The following EPHA6 variants were observed in gnomAD, a reference collection of about 807,000 sequenced individuals.
EPHA6 encodes EPH receptor A6.
EPHA6 carries 50 observed loss-of-function variants against 112.0 expected under a neutral mutation model. The ratio of observed to expected loss-of-function variants is 0.45; its 90% CI spans 0.36 to 0.56. The LOEUF is 0.56. Among genes scored for constraint, EPHA6 ranks in the 20% least tolerant of loss-of-function variants. The probability of loss-of-function intolerance (pLI) is 0.00; values close to 1 mark genes in which losing one functional copy is unlikely to be tolerated. For synonymous variants in EPHA6, 529 were observed against 490.7 expected (o/e 1.08, Z -1.03); for missense variants, 1,280 against 1,417.4 (o/e 0.90, Z 1.56).
chr3:97,053,940 GTGT>G (rs2045767671), intron 3 of EPHA6, among the ~76,000 whole-genome samples: 1 of 151,936 alleles, frequency 6.6e-6, no homozygotes, highest in South Asian at 2.1e-4. Flanking sequence ...ATCTTCCCTT[GTGT>G]TTCACCTAAC....
intron 3 of EPHA6, among the ~76,000 whole-genome samples, chr3:97,012,848 T>C (rs949430255): frequency 2.0e-5 from 3 of 152,056 alleles, no homozygotes; most frequent in African/African-American, 7.2e-5. Context: ...CTCTCACGAT[T>C]AGTGATGTGG....
chr3:97,211,420 T>C (rs1236633372), intron 3 of EPHA6, among the ~76,000 whole-genome samples: 3 of 152,154 alleles, frequency 2.0e-5, no homozygotes, highest in Non-Finnish European at 2.9e-5. Context: ...TGTAACAAAA[T>C]ATCATAGACT....
At chr3:96,901,061 A>T (rs987364841) in intron 2 of EPHA6, among the ~76,000 whole-genome samples, 35 of 152,212 alleles carry the variant, frequency 2.3e-4, no homozygotes, top group African/African-American at 8.4e-4. Flanking sequence ...TTTGCTGGGA[A>T]TAGAAAAGAG....
At chr3:97,095,921 C>A (rs1424785818) in intron 3 of EPHA6, among the ~76,000 whole-genome samples, 1 of 151,814 alleles carries the variant, frequency 6.6e-6, no homozygotes, top group Non-Finnish European at 1.5e-5. Flanking sequence ...ACTTTGAAAA[C>A]CTCTGCTTTC....
At chr3:97,632,895 A>T (rs2093915556) in intron 13 of EPHA6, among the ~76,000 whole-genome samples, 1 of 152,072 alleles carries the variant, frequency 6.6e-6, no homozygotes, top group African/African-American at 2.4e-5. Context: ...GTTTTCACAG[A>T]AAATTTTGTT....
chr3:97,062,176 T>A (rs189537386), intron 3 of EPHA6, among the ~76,000 whole-genome samples: 1 of 152,242 alleles, frequency 6.6e-6, no homozygotes, highest in Admixed American at 6.5e-5. Flanking sequence ...TAATATAACA[T>A]GTTTAGGAAT....
intron 2 of EPHA6, among the ~76,000 whole-genome samples, chr3:96,971,720 T>C (rs989961844): frequency 1.3e-5 from 2 of 152,142 alleles, no homozygotes; most frequent in African/African-American, 2.4e-5. Context: ...GAGATACCCG[T>C]GTACATTCAA....
chr3:96,969,933 T>C (rs1368693133), intron 2 of EPHA6, among the ~76,000 whole-genome samples: 1 of 152,064 alleles, frequency 6.6e-6, no homozygotes, highest in Non-Finnish European at 1.5e-5. Flanking sequence ...AGTTTGAATA[T>C]TCATTTCATT....
chr3:97,050,207 A>G (rs1182279251), intron 3 of EPHA6, among the ~76,000 whole-genome samples: 5 of 152,064 alleles, frequency 3.3e-5, no homozygotes, highest in Non-Finnish European at 7.4e-5. Context: ...CATGGTGGGA[A>G]CCCTCCAAAA....
At chr3:97,169,617 A>C (rs1273146449) in intron 3 of EPHA6, among the ~76,000 whole-genome samples, 123 of 152,266 alleles carry the variant, frequency 8.1e-4, no homozygotes, top group Non-Finnish European at 1.0e-4. Context: ...TTTGCAGATG[A>C]AAAGAATTAT....
chr3:97,627,026 C>T (rs1046447930), intron 13 of EPHA6, among the ~76,000 whole-genome samples: 1 of 151,794 alleles, frequency 6.6e-6, no homozygotes, highest in African/African-American at 2.4e-5. Context: ...GTCATTATTC[C>T]AGTCCCATGC....
At chr3:96,859,554 A>AT (rs1482709412) in intron 1 of EPHA6, among the ~76,000 whole-genome samples, 2 of 151,558 alleles carry the variant, frequency 1.3e-5, no homozygotes, top group African/African-American at 4.8e-5. Flanking sequence ...GCTAATTTTA[A>AT]TTTTTTAATT....
intron 6 of EPHA6, among the ~76,000 whole-genome samples, chr3:97,423,070 A>G (rs916818717): frequency 2.0e-5 from 3 of 152,204 alleles, no homozygotes; most frequent in African/African-American, 7.2e-5. Context: ...AAAAGCTGGA[A>G]GCCTTTCCCT....
chr3:97,190,339 G>A (rs991385411), intron 3 of EPHA6, among the ~76,000 whole-genome samples: 1 of 152,016 alleles, frequency 6.6e-6, no homozygotes, highest in Non-Finnish European at 1.5e-5. Context: ...TGGACAATTA[G>A]TGTCCCTTAG....
chr3:97,136,598 A>T (rs2075774914), intron 3 of EPHA6, among the ~76,000 whole-genome samples: 1 of 152,058 alleles, frequency 6.6e-6, no homozygotes, highest in African/African-American at 2.4e-5. Context: ...GTATGGTGGC[A>T]TGTACCTGTA....
chr3:96,998,731 T>C (rs983869643), intron 3 of EPHA6, among the ~76,000 whole-genome samples: 2 of 151,762 alleles, frequency 1.3e-5, no homozygotes, highest in East Asian at 1.9e-4. Context: ...TCATTCTGTG[T>C]TTTTAACCTG....
At chr3:97,448,993 T>C (rs143014053) in intron 7 of EPHA6, among the ~76,000 whole-genome samples, 1 of 152,290 alleles carries the variant, frequency 6.6e-6, no homozygotes, top group African/African-American at 2.4e-5. Flanking sequence ...GGATGCCTAA[T>C]AGTTCACCAG....
At chr3:97,221,605 C>T (rs1484762433) in intron 3 of EPHA6, among the ~76,000 whole-genome samples, 3 of 151,750 alleles carry the variant, frequency 2.0e-5, no homozygotes, top group Admixed American at 2.0e-4. Context: ...GTACTGATAC[C>T]CCATTTATAA....
chr3:97,066,459 C>G (rs1036344941), intron 3 of EPHA6, among the ~76,000 whole-genome samples: 55 of 152,056 alleles, frequency 3.6e-4, no homozygotes, highest in African/African-American at 1.3e-3. Context: ...TTAAATAGGT[C>G]ATATGTCCTG....
Sources: gnomAD v4.1 joint callset for allele counts (sites outside exome capture counted in the v4.1 genomes callset) on GRCh38, gnomAD v4.1.1 for gene constraint, MANE v1.5 for transcripts, NCBI Gene and HGNC (gene_info 2026-07-23, HGNC 2026-07-21) for gene names.